The following ANK3 variants were observed in gnomAD, a reference collection of about 807,000 sequenced individuals.
ANK3 encodes the protein ankyrin-3.
A neutral mutation model predicts 370.9 loss-of-function variants in ANK3; 57 were observed. The ratio of observed to expected loss-of-function variants is 0.15; its 90% CI spans 0.12 to 0.19. The LOEUF (loss-of-function observed/expected upper bound fraction) is 0.19. ANK3 is among the 10% of genes least tolerant of loss of function. ANK3 has a pLI of 1.00. For synonymous variants in ANK3, 1,929 were observed against 1,946.3 expected, an observed-to-expected ratio of 0.99 and a Z score of 0.23; for missense variants, 4,439 against 5,302.1, an observed-to-expected ratio of 0.84 and a Z score of 5.06.
intron 1 of ANK3, among the ~76,000 whole-genome samples, chr10:60,369,760 C>T (rs996379420): frequency 1.3e-5 from 2 of 152,080 alleles, no homozygotes; most frequent in Non-Finnish European, 2.9e-5. Flanking sequence ...TTGTCTACTT[C>T]GACTCTTATC....
chr10:60,451,697 C>G (rs2064607046), intron 2 of ANK3, among the ~76,000 whole-genome samples: 1 of 152,206 alleles, frequency 6.6e-6, no homozygotes, highest in Admixed American at 6.5e-5. Flanking sequence ...GGCCCAAGGA[C>G]TAGCTGGCAT....
At chr10:60,208,369 A>G in intron 9 of ANK3, 136 bp from the exon 10 acceptor site, 5 of 771,502 alleles carry the variant, frequency 6.5e-6, no homozygotes, top group Non-Finnish European at 1.0e-5. Flanking sequence ...AAAGCTTTTG[A>G]CAACTATTTT....
intron 2 of ANK3, among the ~76,000 whole-genome samples, chr10:60,482,296 T>C (rs2075242363): frequency 6.6e-6 from 1 of 152,154 alleles, no homozygotes; most frequent in Non-Finnish European, 1.5e-5. Flanking sequence ...GACACTGGTG[T>C]CCAGAGAAAT....
chr10:60,073,383 T>G lies in ANK3; in HGVS notation c.7498A>C (p.Lys2500Gln). ...PPSSELQGSD[K>Q]RSREKIATAP... ...GTGGCTATTTTTTCTCTGGACCGCT[T>G]ATCAGACCCCTGTAACTCTGAGCTA... The change falls in exon 37 of 44, where the codon AAG becomes CAG. Residue 2500 changes from lysine to glutamine, a missense_variant. Physicochemically the swap from Lys to Gln is moderately conservative, Grantham distance 53. Transcript: ENST00000280772. 1 of 1,613,898 alleles carries G rather than the reference T, an allele frequency of 6.2e-7. No homozygotes were observed. The highest frequency in any genetic ancestry group is 8.5e-7 in the Non-Finnish European group (1 of 1,180,010).
intron 2 of ANK3, among the ~76,000 whole-genome samples, chr10:60,562,565 C>T (rs374847364): frequency 6.6e-6 from 1 of 152,100 alleles, no homozygotes; most frequent in Non-Finnish European, 1.5e-5. Context: ...AGGCTCACAC[C>T]ACCACGCCCA....
chr10:60,252,811 G>A (rs781742744), intron 7 of ANK3, among the ~76,000 whole-genome samples: 3 of 152,174 alleles, frequency 2.0e-5, no homozygotes, highest in Non-Finnish European at 4.4e-5. Flanking sequence ...GTACTTTAGA[G>A]GGCTACCTTG....
chr10:60,064,652 C>G (rs4480489), intron 38 of ANK3, among the ~76,000 whole-genome samples: 19,551 of 137,574 alleles, frequency 0.14, 1,366 homozygotes, highest in African/African-American at 0.18. Context: ...CATGGCAAAA[C>G]CCCGGTCTCC....
chr10:60,668,838 C>CA, intron 1 of ANK3, among the ~76,000 whole-genome samples: 1 of 151,998 alleles, frequency 6.6e-6, no homozygotes, highest in Non-Finnish European at 1.5e-5. Flanking sequence ...CTAATAAATA[C>CA]AAAAATTAGC....
intron 2 of ANK3, among the ~76,000 whole-genome samples, chr10:60,475,814 T>C (rs552535151): frequency 1.3e-5 from 2 of 152,240 alleles, no homozygotes; most frequent in Non-Finnish European, 2.9e-5. Context: ...ACTGGTCTCA[T>C]GGGACGGAGT....
At chr10:60,153,013 C>T (rs1340462122) in intron 23 of ANK3, among the ~76,000 whole-genome samples, 5 of 152,098 alleles carry the variant, frequency 3.3e-5, no homozygotes, top group Non-Finnish European at 7.3e-5. Flanking sequence ...ATATGTGTAC[C>T]AGGAAACTTA....
At chr10:60,154,663 T>C (rs1367492949) in intron 23 of ANK3, among the ~76,000 whole-genome samples, 1 of 151,914 alleles carries the variant, frequency 6.6e-6, no homozygotes, top group East Asian at 1.9e-4. Flanking sequence ...GGCATGGTGG[T>C]GGGCGCCTGT....
intron 2 of ANK3, among the ~76,000 whole-genome samples, chr10:60,518,416 T>C (rs2076274037): frequency 1.3e-5 from 2 of 152,130 alleles, no homozygotes; most frequent in Admixed American, 1.3e-4. Context: ...TTCAGATACC[T>C]ATGAAAGGCA....
At chr10:60,239,375 A>G (rs1232546847) in intron 7 of ANK3, among the ~76,000 whole-genome samples, 1 of 152,200 alleles carries the variant, frequency 6.6e-6, no homozygotes, top group African/African-American at 2.4e-5. Flanking sequence ...TAAAGGAACA[A>G]TCTCGATGGT....
At chr10:60,679,145 T>C (rs2079162427) in intron 1 of ANK3, among the ~76,000 whole-genome samples, 1 of 152,190 alleles carries the variant, frequency 6.6e-6, no homozygotes, top group African/African-American at 2.4e-5. Context: ...TGCATATGAA[T>C]GCCAAATACC....
Position 60,317,698 on chromosome 10 carries a change from A to C in ANK3, c.115-38059T>G, listed in dbSNP as rs1474470742. On this transcript the variant is annotated intron_variant, in intron 1 of 43. Transcript: ENST00000280772. ...GTTGTAGCTATGGCCCCAAACATCA[A>C]CTCATGAGATAATTTTTTTTTTTTT... Among the ~76,000 whole-genome samples, 4 of 149,780 alleles carry C rather than the reference A, an allele frequency of 2.7e-5. No homozygotes were observed. The South Asian group carries it at 8.5e-4, about 32-fold the overall frequency.
intron 1 of ANK3, among the ~76,000 whole-genome samples, chr10:60,680,986 G>A (rs558418879): frequency 4.6e-4 from 70 of 152,300 alleles, no homozygotes; most frequent in African/African-American, 1.6e-3. Context: ...TATCTAGGAA[G>A]TAAATAATAA....
intron 1 of ANK3, among the ~76,000 whole-genome samples, chr10:60,288,353 T>A (rs2132739916): frequency 6.6e-6 from 1 of 152,320 alleles, no homozygotes; most frequent in South Asian, 2.1e-4. Flanking sequence ...CAGAGATGGA[T>A]GATAATCTTT....
At chr10:60,329,221 C>T (rs773899074) in intron 1 of ANK3, among the ~76,000 whole-genome samples, 1 of 152,128 alleles carries the variant, frequency 6.6e-6, no homozygotes, top group Non-Finnish European at 1.5e-5. Context: ...TGAAAACCGG[C>T]ACAAGACAAG....
chr10:60,456,591 T>C (rs1414650149), intron 2 of ANK3, among the ~76,000 whole-genome samples: 2 of 152,150 alleles, frequency 1.3e-5, no homozygotes, highest in African/African-American at 2.4e-5. Flanking sequence ...TTTGATGATG[T>C]CTTCTAACTG....
Sources: gnomAD v4.1 joint callset for allele counts (sites outside exome capture counted in the v4.1 genomes callset) on GRCh38, gnomAD v4.1.1 for gene constraint, MANE v1.5 for transcripts, NCBI Gene and HGNC (gene_info 2026-07-23, HGNC 2026-07-21) for gene names.